NAALADL2: variants seen among roughly 807,000 people sequenced by gnomAD.
NAALADL2 encodes N-acetylated alpha-linked acidic dipeptidase like 2.
Under a neutral mutation model 87.2 loss-of-function variants are expected in NAALADL2, and 76 were observed. The ratio of observed to expected loss-of-function variants is 0.87; its 90% CI spans 0.72 to 1.05. The LOEUF is 1.05. Ranked by LOEUF, NAALADL2 falls within the 50% of genes least tolerant of loss-of-function variation. The pLI is 0.00. For missense variants in NAALADL2, 1,089 were observed against 945.8 expected, an observed-to-expected ratio of 1.15 and a Z score of -1.99; for synonymous variants, 354 against 331.0, an observed-to-expected ratio of 1.07 and a Z score of -0.75.
rs1160338109 is a variant in NAALADL2, at chr3:174,797,305, C to CTT, written c.-9+59582_-9+59583dup. 9.5e-3 allele frequency among the ~76,000 whole-genome samples: 693 copies of CTT among 72,696 alleles called. 12 individuals carry two copies. Among genetic ancestry groups the CTT allele is most frequent in the African/African-American group, 0.014 (201 of 14,134 alleles). The allele number at this position is 72,696 out of a possible 152,430, so 47.7% of individuals were successfully genotyped here. A position where few individuals can be genotyped will look rare whatever the true frequency, so the allele number is the denominator to read the frequency against. On this transcript the variant is annotated intron_variant, in intron 3 of 3. Coordinates refer to the NAALADL2 transcript ENST00000434257. The stretch of plus-strand genomic sequence containing the variant: ...CTTTTTTCTTTTGTTTTTCTTTTTT[C>CTT]TTTTTTTTTTTTTTTTTTTTTTTTG...
intron 5 of NAALADL2, among the ~76,000 whole-genome samples, chr3:175,354,196 A>G (rs1366078175): frequency 6.6e-6 from 1 of 152,178 alleles, no homozygotes; most frequent in Non-Finnish European, 1.5e-5. Flanking sequence ...TACCTTATCG[A>G]TGACACCTTG....
chr3:174,781,475 T>A (rs568645964), intron 3 of NAALADL2, among the ~76,000 whole-genome samples: 242 of 151,714 alleles, frequency 1.6e-3, no homozygotes, highest in African/African-American at 5.7e-3. Context: ...CCTCAAAATT[T>A]TGAATTTCAA....
rs188804113 is a variant in NAALADL2 at position 175,386,440 on chromosome 3, G to T, written c.1091-60789G>T. ...CTGATCTGTTTAGATTCAAATTTTTGACAAGAATATTTCATAGGTGTAATT... is the reference window on the plus strand; with the variant it reads ...CTGATCTGTTTAGATTCAAATTTTTTACAAGAATATTTCATAGGTGTAATT... On this transcript the variant is annotated intron_variant, in intron 5 of 13. Coordinates refer to ENST00000454872, the MANE Select transcript of NAALADL2 (RefSeq NM_207015.3). 2.9e-3 allele frequency among the ~76,000 whole-genome samples: 435 copies of T among 151,248 alleles called. 3 individuals are homozygous for T. The highest frequency in any genetic ancestry group is 0.01 in the African/African-American group (419 of 41,254).
At chr3:175,730,397 T>G (rs1223461527) in intron 11 of NAALADL2, among the ~76,000 whole-genome samples, 6 of 2,046 alleles carry the variant, frequency 2.9e-3, no homozygotes, top group South Asian at 0.018. Flanking sequence ...TTAATACAGA[T>G]ATATATATAT....
At chr3:175,161,679 C>T (rs1733244298) in intron 2 of NAALADL2, among the ~76,000 whole-genome samples, 1 of 127,460 alleles carries the variant, frequency 7.8e-6, no homozygotes, top group African/African-American at 2.9e-5. Flanking sequence ...AACAAATGTG[C>T]ATCATATAGC....
At chr3:175,489,304 ATTATT>A (rs1229232452) in intron 9 of NAALADL2, among the ~76,000 whole-genome samples, 1 of 152,184 alleles carries the variant, frequency 6.6e-6, no homozygotes, top group Non-Finnish European at 1.5e-5. Flanking sequence ...AACATATTTT[ATTATT>A]TTATATTTGG....
At chr3:175,536,291 G>A (rs1418054801) in intron 9 of NAALADL2, among the ~76,000 whole-genome samples, 1 of 152,162 alleles carries the variant, frequency 6.6e-6, no homozygotes, top group Non-Finnish European at 1.5e-5. Context: ...GGAATTGAAA[G>A]GGCTGTTAAA....
At chr3:175,437,676 C>A (rs3979492) in intron 5 of NAALADL2, among the ~76,000 whole-genome samples, 125,749 of 147,476 alleles carry the variant, frequency 0.85, 53,558 homozygotes, top group East Asian at 0.96. Context: ...AAGCTGGAGG[C>A]ATCACACTAC....
intron 1 of NAALADL2, among the ~76,000 whole-genome samples, chr3:175,013,290 TA>T (rs1370697860): frequency 5.8e-5 from 5 of 86,688 alleles, no homozygotes; most frequent in African/African-American, 3.4e-4. Context: ...TATATATATA[TA>T]TATATATATA....
intron 11 of NAALADL2, among the ~76,000 whole-genome samples, chr3:175,631,206 A>C (rs147774690): frequency 2.5e-4 from 38 of 151,864 alleles, no homozygotes; most frequent in African/African-American, 8.9e-4. Context: ...GAAGTTAATA[A>C]TTTATAAATA....
rs556035109 is a variant in NAALADL2, at chr3:174,759,825, C to T, written c.-9+22079C>T. Among the ~76,000 whole-genome samples the T allele has an allele frequency of 1.3e-4, 20 of 152,062 alleles. No individual in the cohort carries two copies. The South Asian group carries it at 2.7e-3, about 21-fold the overall frequency. ...AAGTGATTCTCCTGCCTCAGCCTCC[C>T]GAGTAGCTGGGATTACAGGCACCTG... On this transcript the variant is annotated intron_variant, in intron 3 of 3. Coordinates refer to the NAALADL2 transcript ENST00000434257.
intron 1 of NAALADL2, among the ~76,000 whole-genome samples, chr3:174,544,474 CTT>C (rs1722542051): frequency 1.3e-5 from 2 of 150,762 alleles, no homozygotes; most frequent in Admixed American, 1.3e-4. Context: ...TTTAGTAAAT[CTT>C]TCACTATTTG....
Position 175,751,148 on chromosome 3 carries a change from G to A in NAALADL2, c.1991-4072G>A, listed in dbSNP as rs373106487. 7.9e-5 allele frequency among the ~76,000 whole-genome samples: 12 copies of A among 152,070 alleles called. No homozygotes were observed. In the South Asian group the frequency reaches 1.7e-3, roughly 21 times the overall value. On this transcript the variant is annotated intron_variant, in intron 12 of 13. Coordinates refer to ENST00000454872, the MANE Select transcript of NAALADL2 (RefSeq NM_207015.3). The stretch of plus-strand genomic sequence containing the variant: ...CTATAAAAATTTATTAATGGTTAGC[G>A]TTTCACCAGGAGCAGTGATCTAAAA...
At chr3:175,667,048 A>G (rs1268148221) in intron 11 of NAALADL2, among the ~76,000 whole-genome samples, 1 of 151,446 alleles carries the variant, frequency 6.6e-6, no homozygotes, top group African/African-American at 2.4e-5. Context: ...CAAATACTCC[A>G]TTTTATATTA....
chr3:174,897,885 G>A (rs187147436), intron 1 of NAALADL2, among the ~76,000 whole-genome samples: 11,024 of 137,798 alleles, frequency 0.08, 693 homozygotes, highest in Middle Eastern at 0.12. Context: ...AGGCCGAGGC[G>A]GGCGGATCAC....
chr3:175,565,444 A>G (rs931575514), intron 9 of NAALADL2, among the ~76,000 whole-genome samples: 2 of 152,142 alleles, frequency 1.3e-5, no homozygotes, highest in African/African-American at 4.8e-5. Flanking sequence ...ATGGTCCTGA[A>G]TTATAATCAT....
intron 2 of NAALADL2, among the ~76,000 whole-genome samples, chr3:175,129,414 T>TG (rs1343271482): frequency 6.6e-6 from 1 of 152,202 alleles, no homozygotes; most frequent in Non-Finnish European, 1.5e-5. Context: ...AATAGATCCC[T>TG]GGAGCTCATT....
At chr3:175,061,689 A>T (rs770321053) in intron 1 of NAALADL2, among the ~76,000 whole-genome samples, 60 of 151,124 alleles carry the variant, frequency 4.0e-4, no homozygotes, top group South Asian at 1.3e-3. Flanking sequence ...AATATAAGGA[A>T]TAAAATCAGT....
chr3:175,715,030 T>A (rs1407381222), intron 11 of NAALADL2, among the ~76,000 whole-genome samples: 2 of 152,216 alleles, frequency 1.3e-5, no homozygotes, highest in South Asian at 2.1e-4. Flanking sequence ...TTAAAATAAG[T>A]ACTAATGTTT....
Sources: gnomAD v4.1 joint callset for allele counts (sites outside exome capture counted in the v4.1 genomes callset) on GRCh38, gnomAD v4.1.1 for gene constraint, MANE v1.5 for transcripts, NCBI Gene and HGNC (gene_info 2026-07-23, HGNC 2026-07-21) for gene names.